KIRREL3: variants seen among roughly 807,000 people sequenced by gnomAD.
KIRREL3 encodes the protein kin of IRRE-like protein 3.
A neutral mutation model predicts 89.7 loss-of-function variants in KIRREL3; 36 were observed. The observed-to-expected ratio is 0.40, with a 90% CI of 0.31 to 0.53. The LOEUF (loss-of-function observed/expected upper bound fraction) is 0.53. KIRREL3 is among the 20% of genes least tolerant of loss of function. The pLI is 0.49. For missense variants in KIRREL3, 864 were observed against 1,056.6 expected, an observed-to-expected ratio of 0.82 and a Z score of 2.53; for synonymous variants, 445 against 441.4, an observed-to-expected ratio of 1.01 and a Z score of -0.10.
chr11:126,473,286 A>G, intron 5 of KIRREL3, 23 bp downstream of exon 5: 1 of 288,296 alleles, frequency 3.5e-6, no homozygotes, highest in Non-Finnish European at 4.5e-6. Context: ...GTCCACACCC[A>G]CCCCCTCCCC....
At chr11:126,493,855 G>A (rs1957591356) in intron 4 of KIRREL3, among the ~76,000 whole-genome samples, 1 of 151,838 alleles carries the variant, frequency 6.6e-6, no homozygotes, top group South Asian at 2.1e-4. Context: ...TTCCTTCAAG[G>A]CTGGTTCTGG....
rs1214799675 is a variant in KIRREL3, at chr11:126,550,717, C to A, written c.133+12118G>T. The A allele has an allele frequency of 6.6e-6, 1 of 152,102 alleles. No homozygotes were observed. The highest frequency in any genetic ancestry group is 1.5e-5 in the Non-Finnish European group (1 of 68,022). The allele number at this position is 152,102 out of a possible 1,614,324, so 9.4% of individuals were successfully genotyped here. ...AAAAGGAAAACCAGAACCAAAACAG[C>A]CACAAAAACAGCTGGGTGTGAAATG... is the stretch of plus-strand genomic sequence containing the variant. On this transcript the variant is annotated intron_variant, in intron 2 of 16. Transcript: ENST00000525144. This position sits in a 1 kb window ranked among gnomAD's most constrained non-coding sequence, Gnocchi z 4.9.
rs769547278 is a variant in KIRREL3 at position 126,620,045 on chromosome 11, G to A, written c.56-57133C>T. 3.9e-5 allele frequency among the ~76,000 whole-genome samples: 6 copies of A among 152,044 alleles called. No individual in the cohort carries two copies. Among genetic ancestry groups the A allele is most frequent in the Admixed American group, 6.6e-5 (1 of 15,264 alleles). On this transcript the variant is annotated intron_variant, in intron 1 of 16. Coordinates refer to ENST00000525144, the MANE Select transcript of KIRREL3 (RefSeq NM_032531.4). This position sits in a 1 kb window ranked among gnomAD's most constrained non-coding sequence, Gnocchi z 4.8. ...TAAGGTTTCCTCTCATTTGGCTGCC[G>A]TGTGATTATTAAACTCTCTCTCTGC...
At chr11:126,957,014 C>T (rs532188889) in intron 1 of KIRREL3, among the ~76,000 whole-genome samples, 1 of 152,346 alleles carries the variant, frequency 6.6e-6, no homozygotes, top group South Asian at 2.1e-4. Context: ...TTCTGCAGCA[C>T]AGTTCCAAAG....
In KIRREL3 at chr11:126,574,375, T is replaced by C. The variant is rs989842432; in HGVS notation, c.56-11463A>G. Among the ~76,000 whole-genome samples the C allele has an allele frequency of 1.3e-4, 20 of 152,180 alleles. No homozygotes were observed. The highest frequency in any genetic ancestry group is 4.8e-4 in the African/African-American group (20 of 41,452). ...AAAATCAAAGCTCTTTTCTTCTCTT[T>C]AATGATAACCTTTCAGCAGTGAGTG... On this transcript the variant is annotated intron_variant, in intron 1 of 16. Coordinates refer to ENST00000525144, the MANE Select transcript of KIRREL3 (RefSeq NM_032531.4). The surrounding 1 kb of genome is among the most constrained non-coding windows in gnomAD (Gnocchi z 5.3).
rs1405023379 is a variant in KIRREL3 at position 126,905,508 on chromosome 11, T to C, written c.55+94947A>G. 6.6e-6 allele frequency among the ~76,000 whole-genome samples: 1 copy of C among 152,090 alleles called. No homozygotes were observed. The highest frequency in any genetic ancestry group is 1.5e-5 in the Non-Finnish European group (1 of 68,008). ...TAAGCCCATAAGGCAATTTGTGGCA[T>C]TTACTGTTCATCGCTCAGGGGTCAG... is the stretch of plus-strand genomic sequence containing the variant. On this transcript the variant is annotated intron_variant, in intron 1 of 16. Coordinates refer to ENST00000525144, the MANE Select transcript of KIRREL3 (RefSeq NM_032531.4). This position sits in a 1 kb window ranked among gnomAD's most constrained non-coding sequence, Gnocchi z 5.0.
At position 126,555,294 on chromosome 11, in the gene KIRREL3, A is replaced by C. The variant is rs1054635629; in HGVS notation, c.133+7541T>G. ...AGAGGTAGGCTGAGTGAAACAAGCC[A>C]CTCCAGTTCCCACCCACAAAGAGGG... On this transcript the variant is annotated intron_variant, in intron 2 of 16. Transcript: ENST00000525144. This position sits in a 1 kb window ranked among gnomAD's most constrained non-coding sequence, Gnocchi z 4.2. Among the ~76,000 whole-genome samples, 1 of 152,134 alleles carries C rather than the reference A, an allele frequency of 6.6e-6. No individual in the cohort carries two copies. The highest frequency in any genetic ancestry group is 1.9e-4 in the East Asian group (1 of 5,186).
intron 1 of KIRREL3, among the ~76,000 whole-genome samples, chr11:126,988,028 A>G (rs1230640377): frequency 6.6e-6 from 1 of 152,196 alleles, no homozygotes; most frequent in Non-Finnish European, 1.5e-5. Context: ...AGAAACACGT[A>G]ATCTCCTGAT....
intron 1 of KIRREL3, among the ~76,000 whole-genome samples, chr11:126,874,114 G>T (rs1005711808): frequency 6.6e-6 from 1 of 152,204 alleles, no homozygotes; most frequent in African/African-American, 2.4e-5. Flanking sequence ...CTTCTGGCCT[G>T]ATAGCATTTG....
At position 126,446,826 on chromosome 11, in the gene KIRREL3, A is replaced by G. The variant is rs1955836123; in HGVS notation, c.1058T>C (p.Ile353Thr). The change falls in exon 9 of 17, where the codon ATC (isoleucine) becomes ACC (threonine). Residue 353 changes from isoleucine (I) to threonine (T), a missense_variant. Ile to Thr is a moderately conservative substitution (Grantham distance 89). Transcript: ENST00000525144. ...GTTGCCGGTCCAGGCGCAGCTGAAG[A>G]TGGCATCAGAGCCCAGATCCACGAG... ...SLLVDLGSDA[I>T]FSCAWTGNPS... is the part of the protein sequence containing the mutation. 2 of 1,602,462 alleles carry G rather than the reference A, an allele frequency of 1.2e-6. No individual in the cohort carries two copies. Among genetic ancestry groups the G allele is most frequent in the East Asian group, 2.3e-5 (1 of 44,438 alleles).
At chr11:126,593,738 G>C (rs1390134896) in intron 1 of KIRREL3, among the ~76,000 whole-genome samples, 1 of 152,188 alleles carries the variant, frequency 6.6e-6, no homozygotes, top group African/African-American at 2.4e-5. Flanking sequence ...GCCTTAGGGA[G>C]AGAGAACATT....
Position 126,666,959 on chromosome 11 carries a change from A to G in KIRREL3, c.56-104047T>C, listed in dbSNP as rs1370931288. Among the ~76,000 whole-genome samples the G allele has an allele frequency of 6.6e-6, 1 of 152,208 alleles. No homozygotes were observed. Among genetic ancestry groups the G allele is most frequent in the Non-Finnish European group, 1.5e-5 (1 of 68,032 alleles). ...TAGTCCTACAAGATTCAGATCCCTG[A>G]TGTGGAGCCAAGGAAAGGCTTGAGT... is the stretch of plus-strand genomic sequence containing the variant. On this transcript the variant is annotated intron_variant, in intron 1 of 16. Coordinates refer to ENST00000525144, the MANE Select transcript of KIRREL3 (RefSeq NM_032531.4). The surrounding 1 kb of genome is among the most constrained non-coding windows in gnomAD (Gnocchi z 4.2).
In KIRREL3 at chr11:126,989,968, T is replaced by G. The variant is rs1949977915; in HGVS notation, c.55+10487A>C. On this transcript the variant is annotated intron_variant, in intron 1 of 16. Coordinates refer to ENST00000525144, the MANE Select transcript of KIRREL3 (RefSeq NM_032531.4). The surrounding 1 kb of genome is among the most constrained non-coding windows in gnomAD (Gnocchi z 6.2). ...GGAATAATGAAGCCTCATTTTAGCA[T>G]CTGTTTGTTTTGTTTTTTCAGCATT... Among the ~76,000 whole-genome samples the G allele has an allele frequency of 6.6e-6, 1 of 152,140 alleles. No homozygotes were observed. The highest frequency in any genetic ancestry group is 2.4e-5 in the African/African-American group (1 of 41,430).
chr11:126,857,423 C>T (rs1944555423), intron 1 of KIRREL3, among the ~76,000 whole-genome samples: 2 of 152,348 alleles, frequency 1.3e-5, no homozygotes, highest in Middle Eastern at 3.4e-3. Context: ...AAGTCCAATA[C>T]ACTCTAAGCT....
At chr11:126,749,418 G>A (rs1026345630) in intron 1 of KIRREL3, among the ~76,000 whole-genome samples, 2 of 151,970 alleles carry the variant, frequency 1.3e-5, no homozygotes, top group African/African-American at 4.8e-5. Context: ...CCATTCCTCG[G>A]TGCTCAATCA....
At chr11:126,480,095 T>G (rs757493046) in intron 4 of KIRREL3, among the ~76,000 whole-genome samples, 23 of 152,206 alleles carry the variant, frequency 1.5e-4, no homozygotes, top group Non-Finnish European at 2.9e-4. Context: ...GCAGAGTGCC[T>G]GCCTGCTGCA....
At chr11:126,511,853 G>T (rs1364672354) in intron 4 of KIRREL3, among the ~76,000 whole-genome samples, 2 of 152,170 alleles carry the variant, frequency 1.3e-5, no homozygotes, top group Non-Finnish European at 2.9e-5. Flanking sequence ...CTTGTTTTGG[G>T]CCTGGGCTGA....
chr11:126,906,624 T>C lies in KIRREL3; in HGVS notation c.55+93831A>G, dbSNP rs1211678494. Among the ~76,000 whole-genome samples, 3 of 152,228 alleles carry C rather than the reference T, an allele frequency of 2.0e-5. No homozygotes were observed. The East Asian group carries it at 5.8e-4, about 29-fold the overall frequency. ...CAGATCTCCTTTCCTTTCACTGTTT[T>C]TTTTAGCATGTATGGGAACATTATA... On this transcript the variant is annotated intron_variant, in intron 1 of 16. Coordinates refer to ENST00000525144, the MANE Select transcript of KIRREL3 (RefSeq NM_032531.4). This position sits in a 1 kb window ranked among gnomAD's most constrained non-coding sequence, Gnocchi z 4.1.
At position 126,778,188 on chromosome 11, in the gene KIRREL3, T is replaced by C. The variant is rs1348476675; in HGVS notation, c.56-215276A>G. Among the ~76,000 whole-genome samples, 3 of 152,208 alleles carry C rather than the reference T, an allele frequency of 2.0e-5. No homozygotes were observed. Among genetic ancestry groups the C allele is most frequent in the Admixed American group, 2.0e-4 (3 of 15,282 alleles). On this transcript the variant is annotated intron_variant, in intron 1 of 16. Coordinates refer to ENST00000525144, the MANE Select transcript of KIRREL3 (RefSeq NM_032531.4). The surrounding 1 kb of genome is among the most constrained non-coding windows in gnomAD (Gnocchi z 4.5). ...CACCCTTTCTAGGGTTGTATATTCA[T>C]GAGATTCACATGCACATATTTTTTC... is the stretch of plus-strand genomic sequence containing the variant.
Sources: allele counts gnomAD v4.1 joint callset (sites outside exome capture counted in the v4.1 genomes callset), GRCh38; gene constraint gnomAD v4.1.1; non-coding constraint Gnocchi (gnomAD v3.1); transcripts MANE v1.5; gene names NCBI Gene and HGNC (gene_info 2026-07-23, HGNC 2026-07-21).